Variants in CDH13 observed in about 807,000 individuals in gnomAD.
The protein encoded by CDH13 is cadherin 13, also known as cadherin-13.
A neutral mutation model predicts 63.8 loss-of-function variants in CDH13; 24 were observed. The ratio of observed to expected loss-of-function variants is 0.38; its 90% CI spans 0.27 to 0.53. CDH13 has a LOEUF of 0.53. Ranked by LOEUF, CDH13 falls within the 20% of genes least tolerant of loss-of-function variation. The pLI, the probability that CDH13 is intolerant of heterozygous loss-of-function variation, is 0.85. For missense variants in CDH13, 1,049 were observed against 903.1 expected (o/e 1.16, Z -2.07); for synonymous variants, 503 against 355.3 (o/e 1.42, Z -4.67).
intron 7 of CDH13, among the ~76,000 whole-genome samples, chr16:83,584,149 G>A (rs1480977670): frequency 6.6e-6 from 1 of 152,004 alleles, no homozygotes; most frequent in Non-Finnish European, 1.5e-5. Context: ...CTAACATGGT[G>A]AAACCCCATC....
intron 4 of CDH13, among the ~76,000 whole-genome samples, chr16:83,190,526 T>C (rs74031455): frequency 0.12 from 18,557 of 152,188 alleles, 2,173 homozygotes; most frequent in African/African-American, 0.31. Flanking sequence ...GCCCCCATAC[T>C]GTTCTAGGTA....
At chr16:83,458,914 T>C (rs1015744584) in intron 6 of CDH13, among the ~76,000 whole-genome samples, 3 of 152,234 alleles carry the variant, frequency 2.0e-5, no homozygotes, top group African/African-American at 7.2e-5. Context: ...CTTCTAGATA[T>C]TGTCAAGAGA....
chr16:83,556,834 A>G (rs1021786988), intron 7 of CDH13, among the ~76,000 whole-genome samples: 3 of 152,224 alleles, frequency 2.0e-5, no homozygotes, highest in Non-Finnish European at 4.4e-5. Flanking sequence ...AGCTGATGCC[A>G]GGGAACTTTA....
chr16:82,858,309 C>T, intron 1 of CDH13, 53 bp from the exon 2 acceptor site: 1 of 1,211,010 alleles, frequency 8.3e-7, no homozygotes, highest in South Asian at 1.3e-5. Context: ...CGAAAGTTAG[C>T]AGGGCAAACA....
chr16:83,727,445 C>G (rs970203000), intron 10 of CDH13, among the ~76,000 whole-genome samples: 1 of 151,680 alleles, frequency 6.6e-6, no homozygotes, highest in Non-Finnish European at 1.5e-5. Flanking sequence ...ACCCTTTGCC[C>G]CATCACCGAG....
intron 6 of CDH13, among the ~76,000 whole-genome samples, chr16:83,407,671 A>G (rs945486037): frequency 1.3e-5 from 2 of 152,232 alleles, no homozygotes; most frequent in African/African-American, 4.8e-5. Flanking sequence ...AGCTGCAAAT[A>G]AAATTAGTTT....
intron 8 of CDH13, among the ~76,000 whole-genome samples, chr16:83,626,030 A>T (rs1315386979): frequency 1.3e-5 from 2 of 148,442 alleles, no homozygotes; most frequent in Non-Finnish European, 3.0e-5. Flanking sequence ...TTTTTTTTCA[A>T]AGCAGGGTCT....
intron 1 of CDH13, among the ~76,000 whole-genome samples, chr16:82,669,872 C>G (rs572972904): frequency 1.1e-4 from 16 of 152,308 alleles, no homozygotes; most frequent in Admixed American, 1.0e-3. Flanking sequence ...TATAAGGCAG[C>G]TTATGTGCTA....
chr16:82,951,228 G>A (rs1234717404), intron 2 of CDH13, among the ~76,000 whole-genome samples: 2 of 152,074 alleles, frequency 1.3e-5, no homozygotes, highest in Non-Finnish European at 2.9e-5. Context: ...GCTGGCAAGA[G>A]GATATCTCCT....
rs149747890 is a variant in CDH13 at position 83,326,891 on chromosome 16, A to G, written c.637-17971A>G. ...CTATGCATCAGTCTGCAGTGGGGGT[A>G]TCTGGCCAAAGGAGAGAAAATGGTG... On this transcript the variant is annotated intron_variant, in intron 5 of 13. Transcript: ENST00000567109. Among the ~76,000 whole-genome samples the G allele has an allele frequency of 1.1e-3, 160 of 152,316 alleles. 1 individual carries two copies. The highest frequency in any genetic ancestry group is 3.7e-3 in the African/African-American group (152 of 41,576).
At chr16:82,812,264 G>C (rs887669941) in intron 1 of CDH13, among the ~76,000 whole-genome samples, 1 of 152,174 alleles carries the variant, frequency 6.6e-6, no homozygotes, top group Non-Finnish European at 1.5e-5. Context: ...TGCAGGTCCA[G>C]AGGAGGGGCT....
At chr16:82,636,167 G>C (rs1436933822) in intron 1 of CDH13, among the ~76,000 whole-genome samples, 2 of 152,138 alleles carry the variant, frequency 1.3e-5, no homozygotes, top group African/African-American at 2.4e-5. Context: ...TATGGAGATG[G>C]CAGGGCCAGA....
At chr16:83,440,619 T>C (rs1388903127) in intron 6 of CDH13, among the ~76,000 whole-genome samples, 3 of 151,996 alleles carry the variant, frequency 2.0e-5, no homozygotes, top group Admixed American at 2.0e-4. Context: ...ACCGTATCTC[T>C]ACTAAAAATA....
chr16:82,650,100 C>T (rs1216748971), intron 1 of CDH13, among the ~76,000 whole-genome samples: 3 of 152,214 alleles, frequency 2.0e-5, no homozygotes, highest in South Asian at 2.1e-4. Flanking sequence ...GGAGCCTCAA[C>T]ATTGCTCTAC....
At chr16:83,588,003 T>C (rs1428359293) in intron 7 of CDH13, among the ~76,000 whole-genome samples, 7 of 151,912 alleles carry the variant, frequency 4.6e-5, no homozygotes, top group Admixed American at 6.6e-5. Flanking sequence ...GAGGACCCAG[T>C]TGTCATACCA....
intron 7 of CDH13, among the ~76,000 whole-genome samples, chr16:83,524,283 G>A (rs1030645588): frequency 1.3e-5 from 2 of 151,950 alleles, no homozygotes; most frequent in African/African-American, 2.4e-5. Context: ...CAGTGAAGGA[G>A]TAGACACTTA....
chr16:83,418,182 T>C (rs1451750449), intron 6 of CDH13, among the ~76,000 whole-genome samples: 1 of 152,212 alleles, frequency 6.6e-6, no homozygotes, highest in African/African-American at 2.4e-5. Context: ...TGCTACACTT[T>C]TCCTCATTTG....
chr16:83,456,027 C>T (rs956310492), intron 6 of CDH13, among the ~76,000 whole-genome samples: 3 of 152,228 alleles, frequency 2.0e-5, no homozygotes, highest in Non-Finnish European at 2.9e-5. Context: ...CTGTCTTCAG[C>T]GAGGCTGGAG....
chr16:83,333,466 G>T (rs1469436354), intron 5 of CDH13, among the ~76,000 whole-genome samples: 1 of 152,128 alleles, frequency 6.6e-6, no homozygotes, highest in Admixed American at 6.5e-5. Context: ...TCTTCTGGGA[G>T]ACTGTCAGGG....
Sources: gnomAD v4.1 joint callset for allele counts (sites outside exome capture counted in the v4.1 genomes callset) on GRCh38, gnomAD v4.1.1 for gene constraint, MANE v1.5 for transcripts, NCBI Gene and HGNC (gene_info 2026-07-23, HGNC 2026-07-21) for gene names.